Variants in ZFHX3 observed in about 807,000 individuals in gnomAD.
ZFHX3 encodes the protein zinc finger homeobox 3.
ZFHX3 carries 42 observed loss-of-function variants against 279.1 expected under a neutral mutation model. The observed-to-expected ratio is 0.15, with a 90% CI of 0.12 to 0.19. The LOEUF (loss-of-function observed/expected upper bound fraction) is 0.19, where lower values mean the gene tolerates loss of function less well. Ranked by LOEUF, ZFHX3 falls within the 10% of genes least tolerant of loss-of-function variation. The pLI is 1.00. For synonymous variants in ZFHX3, 2,293 were observed against 1,957.8 expected (o/e 1.17, Z -4.52); for missense variants, 4,981 against 4,754.0 (o/e 1.05, Z -1.40).
At chr16:73,273,635 A>G (rs2014213320) in intron 4 of ZFHX3, among the ~76,000 whole-genome samples, 1 of 152,210 alleles carries the variant, frequency 6.6e-6, no homozygotes, top group African/African-American at 2.4e-5. Context: ...CAGTTTTTTA[A>G]GATCTAGCCC....
intron 1 of ZFHX3, among the ~76,000 whole-genome samples, chr16:72,965,673 A>G (rs1961801238): frequency 6.6e-6 from 1 of 152,254 alleles, no homozygotes; most frequent in Non-Finnish European, 1.5e-5. Flanking sequence ...ATAAAGTAAT[A>G]TAAAACAAGA....
chr16:73,516,724 T>G (rs1199430288), intron 2 of ZFHX3, among the ~76,000 whole-genome samples: 1 of 152,106 alleles, frequency 6.6e-6, no homozygotes, highest in Non-Finnish European at 1.5e-5. Flanking sequence ...AACCCAGGAG[T>G]GCAGGAGCTC....
At chr16:72,884,401 C>T (rs1017076182) in intron 4 of ZFHX3, among the ~76,000 whole-genome samples, 6 of 152,160 alleles carry the variant, frequency 3.9e-5, no homozygotes, top group Admixed American at 2.0e-4. Context: ...AAACTGAGTC[C>T]GGGTCCAATT....
intron 2 of ZFHX3, among the ~76,000 whole-genome samples, chr16:73,563,368 TGCCTCA>T (rs1488961988): frequency 6.6e-6 from 1 of 151,758 alleles, no homozygotes. Flanking sequence ...GCCATTCTCC[TGCCTCA>T]GCCTCCAAAG....
chr16:73,019,389 C>G (rs1964221568), intron 1 of ZFHX3, among the ~76,000 whole-genome samples: 1 of 151,578 alleles, frequency 6.6e-6, no homozygotes, highest in Non-Finnish European at 1.5e-5. Context: ...TGCGTGTCTG[C>G]ACGCGCACCT....
At chr16:73,657,899 T>A (rs1394365341) in intron 2 of ZFHX3, among the ~76,000 whole-genome samples, 1 of 152,232 alleles carries the variant, frequency 6.6e-6, no homozygotes, top group Non-Finnish European at 1.5e-5. Context: ...TGAAAAATGA[T>A]GCTATGAAGA....
chr16:73,395,435 G>C (rs2017107538), intron 3 of ZFHX3, among the ~76,000 whole-genome samples: 1 of 152,002 alleles, frequency 6.6e-6, no homozygotes, highest in South Asian at 2.1e-4. Context: ...CTGCACTCTA[G>C]CCTGGGTGAC....
At chr16:73,878,475 C>A (rs901317865) in intron 1 of ZFHX3, among the ~76,000 whole-genome samples, 2 of 152,016 alleles carry the variant, frequency 1.3e-5, no homozygotes, top group Non-Finnish European at 1.5e-5. Flanking sequence ...ATGGTATAAG[C>A]ATAATGGATT....
intron 2 of ZFHX3, among the ~76,000 whole-genome samples, chr16:73,604,058 G>A (rs886261012): frequency 1.1e-4 from 17 of 152,014 alleles, no homozygotes; most frequent in African/African-American, 4.1e-4. Context: ...TTACAAGCAT[G>A]AGCCACCAAG....
chr16:72,985,887 T>G (rs1962819192), intron 1 of ZFHX3, among the ~76,000 whole-genome samples: 1 of 152,142 alleles, frequency 6.6e-6, no homozygotes, highest in Non-Finnish European at 1.5e-5. Flanking sequence ...ACTGAGATAC[T>G]AAAGCAGTGT....
chr16:72,976,177 C>T (rs559080094), intron 1 of ZFHX3, among the ~76,000 whole-genome samples: 2 of 152,158 alleles, frequency 1.3e-5, no homozygotes, highest in Non-Finnish European at 2.9e-5. Context: ...GAAGCTGCAC[C>T]CTCTCTCCTT....
chr16:73,557,018 C>T (rs1279425009), intron 2 of ZFHX3, among the ~76,000 whole-genome samples: 2 of 139,294 alleles, frequency 1.4e-5, no homozygotes, highest in African/African-American at 2.7e-5. Context: ...TGGCATCAAC[C>T]TGGGAGGCGG....
At chr16:73,107,967 T>C (rs8053299) in intron 7 of ZFHX3, among the ~76,000 whole-genome samples, 10,920 of 152,098 alleles carry the variant, frequency 0.072, 618 homozygotes, top group African/African-American at 0.15. Context: ...CGAGACCATC[T>C]TGGCTAACAC....
chr16:72,959,892 G>A lies in ZFHX3; in HGVS notation c.254C>T (p.Ser85Leu), dbSNP rs371690491. ...ASKEVTCNEC[S>L]ASFASLQTYM... ...GGTCTGGAGGCTGGCAAAGGAGGCC[G>A]AACATTCGTTGCAGGTGACCTCCTT... Residue 85 changes from serine (S) to leucine (L), a missense_variant, in exon 2 of 10, where the codon TCG becomes TTG. This residue lies in a region of ZFHX3 where 1,068 missense variants were observed against 935.2 expected (regional missense o/e 1.14). Transcript: ENST00000268489. 5.7e-5 allele frequency: 92 copies of A among 1,602,914 alleles called. No individual in the cohort carries two copies. Among genetic ancestry groups the A allele is most frequent in the African/African-American group, 6.7e-5 (5 of 74,686 alleles).
chr16:72,855,306 C>T lies in ZFHX3; in HGVS notation c.3449-25447G>A, dbSNP rs528341162. The stretch of plus-strand genomic sequence containing the variant: ...ACCTTCAGCCATCAGGATCCCCCAA[C>T]GCTGGAGCGCGTGCACGCGTGTGAA... On this transcript the variant is annotated intron_variant, in intron 4 of 9. Coordinates refer to ENST00000268489, the MANE Select transcript of ZFHX3 (RefSeq NM_006885.4). Among the ~76,000 whole-genome samples the T allele has an allele frequency of 5.9e-5, 9 of 152,312 alleles. 1 individual carries two copies. The highest frequency in any genetic ancestry group is 4.1e-4 in the South Asian group (2 of 4,826).
chr16:73,210,025 A>C lies in ZFHX3; in HGVS notation c.-1104+47022T>G, dbSNP rs1167727619. Reference sequence around the variant, plus strand: ...TGTAAATAACTTTGGGGGTTCACTAATACCCTGAAGTTTATGGATACCCCA... The same window carrying C: ...TGTAAATAACTTTGGGGGTTCACTACTACCCTGAAGTTTATGGATACCCCA... On this transcript the variant is annotated intron_variant, in intron 5 of 17. Transcript: ENST00000641206. Among the ~76,000 whole-genome samples, 3 of 152,170 alleles carry C rather than the reference A, an allele frequency of 2.0e-5. No homozygotes were observed. In the East Asian group the frequency reaches 5.8e-4, roughly 29 times the overall value.
intron 1 of ZFHX3, among the ~76,000 whole-genome samples, chr16:73,715,257 G>T: frequency 6.6e-6 from 1 of 152,228 alleles, no homozygotes; most frequent in East Asian, 1.9e-4. Context: ...ACAGGAAATT[G>T]ACCTCACTGA....
intron 4 of ZFHX3, among the ~76,000 whole-genome samples, chr16:73,263,286 T>A (rs1461284854): frequency 6.6e-6 from 1 of 151,860 alleles, no homozygotes; most frequent in Non-Finnish European, 1.5e-5. Flanking sequence ...GTTCAAATGA[T>A]CCTCCCACCT....
At position 73,044,452 on chromosome 16, in the gene ZFHX3, T is replaced by A. The variant is rs13330336; in HGVS notation, c.-50+3300A>T. Among the ~76,000 whole-genome samples the A allele has an allele frequency of 7.6e-3, 1,156 of 152,342 alleles. 15 individuals carry two copies. Among genetic ancestry groups the A allele is most frequent in the African/African-American group, 0.026 (1,097 of 41,584 alleles). On this transcript the variant is annotated intron_variant, in intron 1 of 9. Coordinates refer to ENST00000268489, the MANE Select transcript of ZFHX3 (RefSeq NM_006885.4). ...CAGCACATACTGTACTTCTTCAGGT[T>A]ACTGACAGGCATCTTCAGTGTGCAG...
Sources: gnomAD v4.1 joint callset for allele counts (sites outside exome capture counted in the v4.1 genomes callset) on GRCh38, gnomAD v4.1.1 for gene constraint, gnomAD v4.1.1 regional missense constraint, MANE v1.5 for transcripts, NCBI Gene and HGNC (gene_info 2026-07-23, HGNC 2026-07-21) for gene names.